The following FRMD4B variants were observed in gnomAD, a reference collection of about 807,000 sequenced individuals.
FRMD4B encodes FERM domain containing 4B, also known as FERM domain-containing protein 4B.
In FRMD4B, 74 loss-of-function variants were observed where a neutral mutation model predicts 141.5. The observed-to-expected ratio is 0.52, with a 90% CI of 0.43 to 0.63. FRMD4B has a LOEUF of 0.63. FRMD4B is among the 30% of genes least tolerant of loss of function. The pLI is 0.00. For missense variants in FRMD4B, 1,366 were observed against 1,253.4 expected (o/e 1.09, Z -1.36); for synonymous variants, 506 against 467.9 (o/e 1.08, Z -1.05).
Position 69,169,520 on chromosome 3 carries a change from G to C in FRMD4B, c.*2341C>G, listed in dbSNP as rs1415288097. Among the ~76,000 whole-genome samples, 1 of 151,936 alleles carries C rather than the reference G, an allele frequency of 6.6e-6. No individual in the cohort carries two copies. The highest frequency in any genetic ancestry group is 6.6e-5 in the Admixed American group (1 of 15,240). ...TTACAGGCACACATCACCATGACTG[G>C]CTAATTTTTGTATTTTCATAGAGAT... On this transcript the variant is annotated 3_prime_UTR_variant, in exon 23 of 23. Coordinates refer to ENST00000398540, the MANE Select transcript of FRMD4B (RefSeq NM_015123.3).
At chr3:69,294,253 G>A (rs1700969552) in intron 4 of FRMD4B, among the ~76,000 whole-genome samples, 1 of 152,170 alleles carries the variant, frequency 6.6e-6, no homozygotes, top group Admixed American at 6.5e-5. Context: ...CACACGCCTA[G>A]GTAGATTTCT....
At chr3:69,417,141 T>C (rs1032885053) in intron 2 of FRMD4B, among the ~76,000 whole-genome samples, 2 of 152,210 alleles carry the variant, frequency 1.3e-5, no homozygotes, top group African/African-American at 4.8e-5. Flanking sequence ...TCTTCCACAA[T>C]GGTCGAACTA....
intron 18 of FRMD4B, among the ~76,000 whole-genome samples, chr3:69,188,527 G>T (rs2092795354): frequency 6.6e-6 from 1 of 152,012 alleles, no homozygotes; most frequent in African/African-American, 2.4e-5. Flanking sequence ...GGAGGCCGAG[G>T]CGGGTGGATC....
At chr3:69,217,496 C>A (rs1449820461) in intron 10 of FRMD4B, among the ~76,000 whole-genome samples, 6 of 152,092 alleles carry the variant, frequency 3.9e-5, no homozygotes, top group Non-Finnish European at 7.4e-5. Context: ...GTGGTGCATG[C>A]CTGTAATCCC....
intron 1 of FRMD4B, among the ~76,000 whole-genome samples, chr3:69,368,655 C>T (rs543466113): frequency 6.6e-6 from 1 of 152,332 alleles, no homozygotes; most frequent in South Asian, 2.1e-4. Flanking sequence ...TCCCACTTCA[C>T]AGACAAGCCA....
At chr3:69,511,779 G>A (rs1706693258) in intron 1 of FRMD4B, among the ~76,000 whole-genome samples, 1 of 152,132 alleles carries the variant, frequency 6.6e-6, no homozygotes, top group African/African-American at 2.4e-5. Context: ...CTGCATTTGT[G>A]GTCTGAAGGC....
At chr3:69,485,765 GCTCCC>G (rs1706204723) in intron 1 of FRMD4B, among the ~76,000 whole-genome samples, 2 of 152,216 alleles carry the variant, frequency 1.3e-5, no homozygotes, top group Non-Finnish European at 2.9e-5. Context: ...GTGACCCAGA[GCTCCC>G]CTTCACCTGG....
intron 1 of FRMD4B, among the ~76,000 whole-genome samples, chr3:69,528,242 C>T (rs1700957299): frequency 6.6e-6 from 1 of 151,960 alleles, no homozygotes; most frequent in Non-Finnish European, 1.5e-5. Context: ...CCCTCCCTCC[C>T]TGCCTCCCTC....
intron 1 of FRMD4B, among the ~76,000 whole-genome samples, chr3:69,352,191 A>G (rs1703172850): frequency 1.3e-5 from 2 of 152,162 alleles, no homozygotes; most frequent in Non-Finnish European, 2.9e-5. Context: ...AGGATGTTCT[A>G]TGGCCTGAAT....
intron 1 of FRMD4B, among the ~76,000 whole-genome samples, chr3:69,495,539 A>G (rs1706369365): frequency 6.6e-6 from 1 of 152,186 alleles, no homozygotes; most frequent in Non-Finnish European, 1.5e-5. Context: ...CCTATGCAGA[A>G]TCAATGTAGC....
At chr3:69,466,406 G>A (rs572470454) in intron 1 of FRMD4B, among the ~76,000 whole-genome samples, 1 of 152,106 alleles carries the variant, frequency 6.6e-6, no homozygotes, top group South Asian at 2.1e-4. Flanking sequence ...TTAGAAACTG[G>A]ATTATTCTTA....
chr3:69,362,402 C>G (rs1402458243), intron 1 of FRMD4B, among the ~76,000 whole-genome samples: 1 of 152,202 alleles, frequency 6.6e-6, no homozygotes, highest in East Asian at 1.9e-4. Flanking sequence ...GGAATCCTTT[C>G]CAGTTCTCTA....
chr3:69,365,441 A>G (rs1433385292), intron 1 of FRMD4B, among the ~76,000 whole-genome samples: 1 of 152,242 alleles, frequency 6.6e-6, no homozygotes, highest in Non-Finnish European at 1.5e-5. Context: ...CAAAGTTGCT[A>G]GCTAGAATGT....
At chr3:69,514,670 A>T (rs896347779) in intron 1 of FRMD4B, among the ~76,000 whole-genome samples, 1 of 150,372 alleles carries the variant, frequency 6.7e-6, no homozygotes, top group Non-Finnish European at 1.5e-5. Context: ...CTTGGGTGAC[A>T]GAGCAAGACT....
At chr3:69,204,159 G>C (rs2092998687) in intron 11 of FRMD4B, among the ~76,000 whole-genome samples, 1 of 152,156 alleles carries the variant, frequency 6.6e-6, no homozygotes, top group African/African-American at 2.4e-5. Context: ...AGGTACCCAG[G>C]AAAGGAGGAA....
chr3:69,258,864 C>T (rs1417652582), intron 5 of FRMD4B, among the ~76,000 whole-genome samples: 1 of 152,076 alleles, frequency 6.6e-6, no homozygotes, highest in African/African-American at 2.4e-5. Context: ...AAACTCAGCT[C>T]CTCATCTGCA....
chr3:69,349,239 T>C (rs140740676), intron 1 of FRMD4B, among the ~76,000 whole-genome samples: 45,641 of 151,954 alleles, frequency 0.3, 7,895 homozygotes, highest in Non-Finnish European at 0.39. Flanking sequence ...TCAAAGGGAA[T>C]AAAATACCTA....
intron 3 of FRMD4B, among the ~76,000 whole-genome samples, chr3:69,308,448 T>G (rs1247797306): frequency 1.7e-4 from 26 of 150,218 alleles, no homozygotes; most frequent in South Asian, 8.4e-4. Flanking sequence ...CTTTTTTTTT[T>G]TTTGTTTGGG....
At chr3:69,329,345 C>CTTTATT (rs1174170303) in intron 1 of FRMD4B, among the ~76,000 whole-genome samples, 1 of 151,800 alleles carries the variant, frequency 6.6e-6, no homozygotes, top group Non-Finnish European at 1.5e-5. Flanking sequence ...TAATTTATTT[C>CTTTATT]TTTATTTTTA....
Sources: allele counts gnomAD v4.1 joint callset (sites outside exome capture counted in the v4.1 genomes callset), GRCh38; gene constraint gnomAD v4.1.1; transcripts MANE v1.5; gene names NCBI Gene and HGNC (gene_info 2026-07-23, HGNC 2026-07-21).